Variants in ADGRF4 observed in about 807,000 individuals in gnomAD.
ADGRF4 encodes the protein G-protein coupled receptor PGR18.
In ADGRF4, 63 loss-of-function variants were observed where a neutral mutation model predicts 58.5. The ratio of observed to expected loss-of-function variants is 1.08; its 90% confidence interval spans 0.88 to 1.33. The LOEUF is 1.33. Among genes scored for constraint, ADGRF4 ranks in the 40% most tolerant of loss-of-function variants. ADGRF4 has a pLI of 0.00. For synonymous variants in ADGRF4, 313 were observed against 295.4 expected (o/e 1.06, Z -0.61); for missense variants, 931 against 843.9 (o/e 1.10, Z -1.28).
At chr6:47,719,532 C>A (rs1361062970) in intron 9 of ADGRF4, among the ~76,000 whole-genome samples, 4 of 152,158 alleles carry the variant, frequency 2.6e-5, no homozygotes, top group Non-Finnish European at 5.9e-5. Context: ...TCTTAATTTG[C>A]CACTAATAGA....
chr6:47,705,537 ATGT>A (rs1771689272), intron 1 of ADGRF4, among the ~76,000 whole-genome samples: 1 of 152,182 alleles, frequency 6.6e-6, no homozygotes, highest in Non-Finnish European at 1.5e-5. Flanking sequence ...CTGCCAGATG[ATGT>A]TGTAAATAAA....
Position 47,716,755 on chromosome 6 carries a change from G to A in ADGRF4, c.1933-51G>A, listed in dbSNP as rs116262611. ...AAGAGCGGTATGAAAATAACAGCAG[G>A]AATATTTTTTGAAAAACCATCCCTC... On this transcript the variant is annotated intron_variant, in intron 6 of 9. Transcript: ENST00000283303. The A allele has an allele frequency of 1.4e-3, 1,968 of 1,363,300 alleles. 18 individuals carry two copies. Among genetic ancestry groups the A allele is most frequent in the African/African-American group, 0.013 (902 of 69,518 alleles). The allele number at this position is 1,363,300 out of a possible 1,614,324, so 84.5% of individuals were successfully genotyped here.
chr6:47,715,330 C>T, intron 6 of ADGRF4, 153 bp downstream of exon 6: 1 of 619,872 alleles, frequency 1.6e-6, no homozygotes, highest in Non-Finnish European at 2.7e-6. Context: ...TATTGATTGT[C>T]AAGTTGAATT....
chr6:47,712,219 C>G (rs1771888606), intron 4 of ADGRF4, 138 bp from the exon 5 acceptor site: 1 of 738,268 alleles, frequency 1.4e-6, no homozygotes, highest in African/African-American at 1.8e-5. Flanking sequence ...CTCCACCCCC[C>G]TCTGCATCAA....
intron 1 of ADGRF4, among the ~76,000 whole-genome samples, chr6:47,702,887 C>T (rs558166195): frequency 4.2e-4 from 64 of 152,356 alleles, no homozygotes; most frequent in African/African-American, 1.5e-3. Context: ...TGGCTGTCCA[C>T]TCTTTACCAG....
chr6:47,710,930 G>C, intron 4 of ADGRF4, 44 bp downstream of exon 4: 1 of 1,573,262 alleles, frequency 6.4e-7, no homozygotes, highest in Non-Finnish European at 8.7e-7. Flanking sequence ...CAATCCCCCA[G>C]CAGAAAGTAG....
At chr6:47,705,075 C>T (rs1448054466) in intron 1 of ADGRF4, among the ~76,000 whole-genome samples, 4 of 152,092 alleles carry the variant, frequency 2.6e-5, no homozygotes, top group Non-Finnish European at 5.9e-5. Flanking sequence ...ACTACAGACG[C>T]CTGCCACCAC....
chr6:47,720,690 G>C (rs998799951), intron 9 of ADGRF4, among the ~76,000 whole-genome samples: 4 of 152,184 alleles, frequency 2.6e-5, no homozygotes, highest in African/African-American at 9.7e-5. Context: ...TTCATATCAA[G>C]GGTAGGACAA....
intron 1 of ADGRF4, among the ~76,000 whole-genome samples, chr6:47,699,003 G>A (rs1050407972): frequency 6.6e-6 from 1 of 152,166 alleles, no homozygotes; most frequent in Non-Finnish European, 1.5e-5. Flanking sequence ...TTCTTTAAGA[G>A]TTGTTTGTCA....
chr6:47,711,003 C>A, intron 4 of ADGRF4, 117 bp downstream of exon 4: 1 of 943,424 alleles, frequency 1.1e-6, no homozygotes, highest in Non-Finnish European at 1.5e-6. Context: ...TTAGAAAAAT[C>A]TACAGAATGG....
At chr6:47,709,837 C>A (rs542615969) in intron 3 of ADGRF4, among the ~76,000 whole-genome samples, 284 of 140,606 alleles carry the variant, frequency 2.0e-3, no homozygotes, top group Non-Finnish European at 3.2e-3. Flanking sequence ...TCCTAGTCTA[C>A]GTAGCATCAC....
chr6:47,720,535 G>A (rs892031263), intron 9 of ADGRF4, among the ~76,000 whole-genome samples: 9 of 152,194 alleles, frequency 5.9e-5, no homozygotes, highest in Non-Finnish European at 1.3e-4. Flanking sequence ...TGGTCCCAGG[G>A]TCAGGGAAGG....
chr6:47,710,253 T>A (rs190413454), intron 3 of ADGRF4, among the ~76,000 whole-genome samples: 102 of 152,314 alleles, frequency 6.7e-4, no homozygotes, highest in African/African-American at 2.4e-3. Context: ...ATCAACTGTG[T>A]GTGAAAATAA....
chr6:47,715,126 A>G lies in ADGRF4; in HGVS notation c.1881A>G (p.Glu627=). ...TWGFGIATLI[E]GTSLTFHIIF... ...GTTTTGGAATAGCCACTCTCATAGA[A>G]GGCACTTCCTTGACGTTCCATATAA... The change falls in exon 6 of 10, where the codon GAA becomes GAG. Residue 627 remains glutamate (E), a synonymous_variant. Transcript: ENST00000283303. 1.2e-6 allele frequency: 2 copies of G among 1,602,456 alleles called. No homozygotes were observed. The highest frequency in any genetic ancestry group is 1.7e-6 in the Non-Finnish European group (2 of 1,170,182).
chr6:47,717,150 A>C, intron 7 of ADGRF4, 142 bp from the exon 8 acceptor site: 1 of 709,738 alleles, frequency 1.4e-6, no homozygotes. Context: ...CTTTTATCCA[A>C]ATCTTGTTAC....
chr6:47,713,747 G>T, intron 5 of ADGRF4, 51 bp from the exon 6 acceptor site: 1 of 1,385,544 alleles, frequency 7.2e-7, no homozygotes, highest in Non-Finnish European at 9.6e-7. Context: ...AATCAACTTT[G>T]TACAACAATG....
chr6:47,704,590 G>C (rs1011412790), intron 1 of ADGRF4, among the ~76,000 whole-genome samples: 1 of 151,738 alleles, frequency 6.6e-6, no homozygotes. Context: ...TCTTCAGCTT[G>C]ATAATCAAAA....
intron 1 of ADGRF4, among the ~76,000 whole-genome samples, chr6:47,699,900 A>G (rs1771547899): frequency 3.1e-5 from 3 of 96,378 alleles, no homozygotes; most frequent in African/African-American, 8.9e-5. Context: ...ACACACACAC[A>G]CATACACACA....
At chr6:47,712,046 T>G (rs768288759) in intron 4 of ADGRF4, among the ~76,000 whole-genome samples, 1 of 152,168 alleles carries the variant, frequency 6.6e-6, no homozygotes, top group Non-Finnish European at 1.5e-5. Flanking sequence ...CCCATGAAAT[T>G]CCATGTGGTT....
Sources: allele counts gnomAD v4.1 joint callset (sites outside exome capture counted in the v4.1 genomes callset), GRCh38; gene constraint gnomAD v4.1.1; transcripts MANE v1.5; gene names NCBI Gene and HGNC (gene_info 2026-07-23, HGNC 2026-07-21).